Variants in SMIM41 observed in about 807,000 individuals in gnomAD.
SMIM41 encodes small integral membrane protein 41.
intron 1 of SMIM41, among the ~76,000 whole-genome samples, 180 bp from the exon 2 acceptor site, chr12:52,083,714 T>G (rs1303704506): frequency 6.6e-6 from 1 of 152,252 alleles, no homozygotes; most frequent in Non-Finnish European, 1.5e-5. Flanking sequence ...AGCATGTGCA[T>G]GGAATTCTAG....
intron 2 of SMIM41, among the ~76,000 whole-genome samples, chr12:52,088,581 A>C (rs1939929200): frequency 6.6e-6 from 1 of 152,186 alleles, no homozygotes; most frequent in Non-Finnish European, 1.5e-5. Flanking sequence ...TCCCCTCCAC[A>C]GCCAGTGCGT....
rs192934743 is a variant in SMIM41, at chr12:52,099,537, T to C, written c.*196-7842T>C. On this transcript the variant is annotated intron_variant, in intron 2 of 2. Transcript: ENST00000546390. The stretch of plus-strand genomic sequence containing the variant: ...GTGGGGGGTGTACATCCGTGCGATA[T>C]TGAAAGTAATATCCTCTCCTCCACG... Among the ~76,000 whole-genome samples the C allele has an allele frequency of 5.9e-5, 9 of 152,048 alleles. No individual in the cohort carries two copies. In the East Asian group the frequency reaches 1.2e-3, roughly 20 times the overall value.
intron 2 of SMIM41, among the ~76,000 whole-genome samples, chr12:52,102,945 G>T (rs188714097): frequency 3.9e-5 from 6 of 152,294 alleles, no homozygotes; most frequent in African/African-American, 1.4e-4. Flanking sequence ...GCCAAAATGG[G>T]GAAGCAACCC....
chr12:52,095,146 C>T (rs1940068356), intron 2 of SMIM41, among the ~76,000 whole-genome samples: 1 of 152,070 alleles, frequency 6.6e-6, no homozygotes, highest in African/African-American at 2.4e-5. Context: ...TGGGGTGTCG[C>T]TATGTTGCCC....
chr12:52,084,326 G>T (rs1939861433), intron 2 of SMIM41, among the ~76,000 whole-genome samples: 4 of 151,626 alleles, frequency 2.6e-5, no homozygotes, highest in Admixed American at 2.6e-4. Flanking sequence ...ACTCCAGCCT[G>T]GGTGACAAAG....
At chr12:52,096,846 A>AC (rs1008654662) in intron 2 of SMIM41, among the ~76,000 whole-genome samples, 1 of 151,798 alleles carries the variant, frequency 6.6e-6, no homozygotes, top group Non-Finnish European at 1.5e-5. Flanking sequence ...GAAAATGTAC[A>AC]CCCCCCTGTG....
chr12:52,101,794 C>A (rs1940221800), intron 2 of SMIM41, among the ~76,000 whole-genome samples: 1 of 151,918 alleles, frequency 6.6e-6, no homozygotes. Flanking sequence ...CTCACCGCAA[C>A]CTCTGCCTCC....
intron 2 of SMIM41, among the ~76,000 whole-genome samples, chr12:52,104,472 A>G (rs1173449720): frequency 0.045 from 6,591 of 145,042 alleles, no homozygotes; most frequent in African/African-American, 0.13. Flanking sequence ...CCACGCAGGG[A>G]GGACAGTGGA....
chr12:52,098,632 C>T (rs2120704823), intron 2 of SMIM41, among the ~76,000 whole-genome samples: 1 of 151,718 alleles, frequency 6.6e-6, no homozygotes, highest in African/African-American at 2.4e-5. Context: ...CTAATTGTCT[C>T]TCCCCTAGAT....
intron 2 of SMIM41, chr12:52,092,057 TG>T (rs1402698236): frequency 1.3e-5 from 2 of 152,204 alleles, no homozygotes; most frequent in East Asian, 3.8e-4. Context: ...GCCACGTAAT[TG>T]GTTGAAAATT....
At chr12:52,093,090 C>G (rs7134856) in intron 2 of SMIM41, among the ~76,000 whole-genome samples, 32,312 of 151,942 alleles carry the variant, frequency 0.21, 4,200 homozygotes, top group East Asian at 0.45. Context: ...CCCAGCTACT[C>G]GAGAGGTTGA....
chr12:52,097,045 A>G (rs1940109908), intron 2 of SMIM41, among the ~76,000 whole-genome samples: 1 of 152,040 alleles, frequency 6.6e-6, no homozygotes, highest in Non-Finnish European at 1.5e-5. Flanking sequence ...AGGAAGATAT[A>G]TCTCCCAATT....
intron 2 of SMIM41, among the ~76,000 whole-genome samples, chr12:52,092,977 C>T (rs1050659800): frequency 3.9e-5 from 6 of 152,010 alleles, no homozygotes; most frequent in South Asian, 2.1e-4. Context: ...GTCAGGATAT[C>T]GAGACCATCC....
intron 2 of SMIM41, among the ~76,000 whole-genome samples, chr12:52,103,716 T>A (rs1940269110): frequency 1.3e-5 from 2 of 152,140 alleles, no homozygotes; most frequent in African/African-American, 4.8e-5. Flanking sequence ...ATCACGACAC[T>A]GCACTCCAGC....
chr12:52,105,785 C>T (rs989220794), intron 2 of SMIM41, among the ~76,000 whole-genome samples: 25 of 151,084 alleles, frequency 1.7e-4, no homozygotes, highest in African/African-American at 5.9e-4. Context: ...AAAAAAAACT[C>T]CCACAACTTT....
intron 2 of SMIM41, among the ~76,000 whole-genome samples, chr12:52,085,008 A>C (rs939328941): frequency 6.6e-6 from 1 of 152,058 alleles, no homozygotes; most frequent in African/African-American, 2.4e-5. Context: ...GGGGAGGACG[A>C]TGTTCTGGTT....
At chr12:52,103,357 CAAA>C (rs532598136) in intron 2 of SMIM41, among the ~76,000 whole-genome samples, 1 of 116,978 alleles carries the variant, frequency 8.5e-6, no homozygotes. Flanking sequence ...AAAATAAAAC[CAAA>C]AAAAAAAAAA....
chr12:52,090,262 G>C (rs1939976008), intron 2 of SMIM41, among the ~76,000 whole-genome samples: 1 of 152,014 alleles, frequency 6.6e-6, no homozygotes, highest in Non-Finnish European at 1.5e-5. Context: ...TGGTAGAGAC[G>C]GAGTTTCACC....
chr12:52,101,443 A>G (rs1449853455), intron 2 of SMIM41, among the ~76,000 whole-genome samples: 1 of 152,162 alleles, frequency 6.6e-6, no homozygotes, highest in Non-Finnish European at 1.5e-5. Context: ...ACACAAAAGG[A>G]ATCTCAGGAA....
Sources: gnomAD v4.1 joint callset for allele counts (sites outside exome capture counted in the v4.1 genomes callset) on GRCh38, gnomAD v4.1.1 for gene constraint, MANE v1.5 for transcripts, NCBI Gene and HGNC (gene_info 2026-07-23, HGNC 2026-07-21) for gene names.